The following ENTHD1 variants were observed in gnomAD, a reference collection of about 807,000 sequenced individuals.
ENTHD1 encodes ENTH domain containing 1, also known as ENTH domain-containing protein 1.
ENTHD1 carries 23 observed loss-of-function variants against 39.1 expected under a neutral mutation model. The ratio of observed to expected loss-of-function variants is 0.59; its 90% CI spans 0.42 to 0.83. ENTHD1 has a LOEUF of 0.83. ENTHD1 is among the 40% of genes least tolerant of loss of function. ENTHD1 has a pLI of 0.00. For synonymous variants in ENTHD1, 230 were observed against 258.2 expected (o/e 0.89, Z 1.05); for missense variants, 624 against 705.4 (o/e 0.88, Z 1.31).
intron 4 of ENTHD1, among the ~76,000 whole-genome samples, chr22:39,835,399 C>T (rs1278978614): frequency 6.6e-6 from 1 of 152,062 alleles, no homozygotes; most frequent in African/African-American, 2.4e-5. Context: ...AGGACTCTAT[C>T]TTCTACTATA....
intron 5 of ENTHD1, among the ~76,000 whole-genome samples, chr22:39,780,372 T>C (rs191827307): frequency 1.7e-5 from 2 of 117,410 alleles, no homozygotes; most frequent in African/African-American, 2.9e-5. Context: ...GCAAGACTAG[T>C]CTCAAAAAAA....
chr22:39,843,489 T>C (rs1299532925), intron 3 of ENTHD1, among the ~76,000 whole-genome samples: 2 of 150,116 alleles, frequency 1.3e-5, no homozygotes, highest in African/African-American at 2.4e-5. Flanking sequence ...AGGGATAGCA[T>C]TGGGAGATAT....
chr22:39,841,566 T>G (rs528431728), intron 3 of ENTHD1, among the ~76,000 whole-genome samples: 33 of 151,756 alleles, frequency 2.2e-4, no homozygotes, highest in African/African-American at 7.7e-4. Flanking sequence ...AACCCCTGCC[T>G]TTTTTTGTTT....
chr22:39,799,019 C>G (rs904986785), intron 5 of ENTHD1, among the ~76,000 whole-genome samples: 6 of 152,158 alleles, frequency 3.9e-5, no homozygotes, highest in African/African-American at 1.2e-4. Flanking sequence ...AATCCCCAGG[C>G]CCCTAGGTGG....
Position 39,743,700 on chromosome 22 carries a change from C to T in ENTHD1, c.1803G>A (p.Glu601=). Residue 601 remains glutamate (E), a synonymous_variant, in exon 7 of 7, where the codon GAG becomes GAA. Transcript: ENST00000325157. The stretch of plus-strand genomic sequence containing the variant: ...ATGATTAGATCTGATCTGAGCTCCC[C>T]TCAGAAGACTGGGGGACCTGGGAAG... The part of the protein sequence containing the change: ...SQSSQVPQSS[E]GSSDQI 6.2e-7 allele frequency: 1 copy of T among 1,612,006 alleles called. No individual in the cohort carries two copies. The highest frequency in any genetic ancestry group is 8.5e-7 in the Non-Finnish European group (1 of 1,178,976).
At chr22:39,772,029 A>T (rs905018914) in intron 5 of ENTHD1, among the ~76,000 whole-genome samples, 3 of 152,218 alleles carry the variant, frequency 2.0e-5, no homozygotes, top group Non-Finnish European at 4.4e-5. Flanking sequence ...TGTTATAACA[A>T]ATGTAAATAT....
In ENTHD1 at chr22:39,887,557, A is replaced by G. The variant is rs8139570; in HGVS notation, c.192T>C (p.His64=). ...TATACACGTGGCGCCAGTTCTTCCC[A>G]TGGTCATTGAGTCTGTGCCACAGCA... is the stretch of plus-strand genomic sequence containing the variant. ...MNMLWHRLND[H]GKNWRHVYKS... Residue 64 remains histidine, a synonymous_variant, in exon 2 of 7, where the codon CAT becomes CAC. Transcript: ENST00000325157. The G allele has an allele frequency of 1.9e-3, 3,046 of 1,614,148 alleles. 38 individuals carry two copies. The African/African-American group carries it at 0.035, about 18-fold the overall frequency.
chr22:39,872,737 G>A (rs879261112), intron 2 of ENTHD1, among the ~76,000 whole-genome samples: 6 of 152,150 alleles, frequency 3.9e-5, no homozygotes, highest in Non-Finnish European at 5.9e-5. Flanking sequence ...TACAGAAATC[G>A]GTCATTAGTA....
intron 6 of ENTHD1, among the ~76,000 whole-genome samples, chr22:39,755,707 C>T (rs1211087706): frequency 6.6e-6 from 1 of 152,102 alleles, no homozygotes; most frequent in Non-Finnish European, 1.5e-5. Context: ...GACTGAGGTT[C>T]TGCAGTTCTA....
Position 39,743,907 on chromosome 22 carries a change from A to C in ENTHD1, c.1596T>G (p.Phe532Leu). The C allele has an allele frequency of 2.5e-6, 4 of 1,614,138 alleles. No homozygotes were observed. The highest frequency in any genetic ancestry group is 3.4e-6 in the Non-Finnish European group (4 of 1,180,004). Reference sequence around the variant, plus strand: ...CCTGGGGGAAGTCTTTGGTTGACTGAAAACCAGAACAGGACAGAGGGATGA... The same window carrying C: ...CCTGGGGGAAGTCTTTGGTTGACTGCAAACCAGAACAGGACAGAGGGATGA... ...DQFIPLSCSG[F>L]QSTKDFPQEP... Residue 532 changes from phenylalanine (F) to leucine (L), a missense_variant, in exon 7 of 7, where the codon TTT becomes TTG. Transcript: ENST00000325157.
intron 2 of ENTHD1, among the ~76,000 whole-genome samples, chr22:39,862,574 G>A (rs1286462199): frequency 4.0e-5 from 6 of 148,400 alleles, no homozygotes; most frequent in South Asian, 2.1e-4. Context: ...GAAAGAAAAA[G>A]CAATAATACT....
intron 3 of ENTHD1, among the ~76,000 whole-genome samples, chr22:39,852,215 G>A (rs1255273214): frequency 2.0e-5 from 3 of 151,608 alleles, no homozygotes; most frequent in Non-Finnish European, 2.9e-5. Flanking sequence ...GTGTGGTGGC[G>A]CATGCCTGCA....
chr22:39,746,236 T>C (rs912541997), intron 6 of ENTHD1, among the ~76,000 whole-genome samples: 1 of 152,170 alleles, frequency 6.6e-6, no homozygotes, highest in African/African-American at 2.4e-5. Context: ...TCAATGTAGA[T>C]TTTATCAACT....
chr22:39,863,919 A>T (rs1257450865), intron 2 of ENTHD1, among the ~76,000 whole-genome samples: 3 of 152,192 alleles, frequency 2.0e-5, no homozygotes, highest in African/African-American at 7.2e-5. Context: ...ATCTTTTCCA[A>T]GATTATTTTA....
chr22:39,878,651 T>C (rs886813364), intron 2 of ENTHD1, among the ~76,000 whole-genome samples: 40 of 152,208 alleles, frequency 2.6e-4, no homozygotes, highest in Admixed American at 1.6e-3. Flanking sequence ...TTGAGGGAAT[T>C]TGTGGCCAGT....
chr22:39,841,454 CTCT>C (rs1265117157), intron 3 of ENTHD1, among the ~76,000 whole-genome samples: 3 of 151,566 alleles, frequency 2.0e-5, no homozygotes, highest in Non-Finnish European at 2.9e-5. Flanking sequence ...GGATAGTTAG[CTCT>C]TCTTGTTGAA....
chr22:39,796,023 T>G (rs766258770), intron 5 of ENTHD1, among the ~76,000 whole-genome samples: 1 of 152,164 alleles, frequency 6.6e-6, no homozygotes, highest in Non-Finnish European at 1.5e-5. Context: ...AACCAACTTC[T>G]CATTTTGTTG....
intron 5 of ENTHD1, among the ~76,000 whole-genome samples, chr22:39,792,985 T>C (rs561235128): frequency 6.6e-6 from 1 of 152,280 alleles, no homozygotes; most frequent in South Asian, 2.1e-4. Flanking sequence ...TAGGCCTATT[T>C]TTAGTTTTCT....
chr22:39,770,799 C>G (rs1569133479), intron 5 of ENTHD1, among the ~76,000 whole-genome samples: 5 of 152,162 alleles, frequency 3.3e-5, no homozygotes, highest in Non-Finnish European at 5.9e-5. Context: ...CCATGATATC[C>G]TTGGATGCAA....
Sources: gnomAD v4.1 joint callset for allele counts (sites outside exome capture counted in the v4.1 genomes callset) on GRCh38, gnomAD v4.1.1 for gene constraint, MANE v1.5 for transcripts, NCBI Gene and HGNC (gene_info 2026-07-23, HGNC 2026-07-21) for gene names.